CBR4: variants seen among roughly 807,000 people sequenced by gnomAD.
The protein encoded by CBR4 is 3-oxoacyl-[acyl-carrier-protein] reductase.
CBR4 carries 22 observed loss-of-function variants against 21.0 expected under a neutral mutation model. The observed-to-expected ratio is 1.05, with a 90% confidence interval of 0.75 to 1.50. The LOEUF (loss-of-function observed/expected upper bound fraction) is 1.50. Among genes scored for constraint, CBR4 ranks in the 40% most tolerant of loss-of-function variants. The pLI is 0.00. For synonymous variants in CBR4, 100 were observed against 104.4 expected, an observed-to-expected ratio of 0.96 and a Z score of 0.26; for missense variants, 302 against 286.3, an observed-to-expected ratio of 1.05 and a Z score of -0.40.
chr4:168,993,804 G>T (rs1366977932), intron 4 of CBR4, among the ~76,000 whole-genome samples: 1 of 152,076 alleles, frequency 6.6e-6, no homozygotes, highest in Non-Finnish European at 1.5e-5. Context: ...TTGCAAGAAA[G>T]ACCTTGTGAC....
intron 2 of CBR4, chr4:168,924,480 G>A: frequency 6.9e-7 from 1 of 1,442,994 alleles, no homozygotes. Context: ...TGTATCAAAA[G>A]ATACATTTTA....
At chr4:168,926,556 A>T in intron 2 of CBR4, 1 of 560,948 alleles carries the variant, frequency 1.8e-6, no homozygotes. Context: ...GTTTAAGTAG[A>T]TAATGCTAAT....
intron 2 of CBR4, among the ~76,000 whole-genome samples, chr4:168,914,299 C>A (rs1323038057): frequency 6.6e-6 from 1 of 152,180 alleles, no homozygotes; most frequent in East Asian, 1.9e-4. Flanking sequence ...CAAGACTCAG[C>A]ACTTTTAAAT....
intron 2 of CBR4, chr4:168,924,421 G>GTAAGAC: frequency 1.2e-6 from 2 of 1,612,476 alleles, no homozygotes; most frequent in Non-Finnish European, 1.7e-6. Flanking sequence ...ACCGAGTGAG[G>GTAAGAC]TAAGACTGCA....
chr4:168,909,632 T>C (rs1451900400), intron 2 of CBR4, among the ~76,000 whole-genome samples: 2 of 152,164 alleles, frequency 1.3e-5, no homozygotes, highest in African/African-American at 2.4e-5. Context: ...CTTATGTTCA[T>C]AGTAAAGCAG....
chr4:168,958,902 G>A (rs917062950), intron 2 of CBR4, among the ~76,000 whole-genome samples: 18 of 152,020 alleles, frequency 1.2e-4, no homozygotes, highest in East Asian at 1.2e-3. Context: ...CTTATTATTC[G>A]TTTTAGGAGT....
In CBR4 at chr4:168,987,664, T is replaced by C. The variant is rs1764734728; in HGVS notation, c.*2486A>G. On this transcript the variant is annotated 3_prime_UTR_variant, in exon 5 of 5. Transcript: ENST00000306193. ...GGACAGTGGTTATGATTTCTCAATT[T>C]ACACATATTCCTTTTGAAAATCTTA... is the stretch of plus-strand genomic sequence containing the variant. 1.0e-6 allele frequency: 1 copy of C among 974,176 alleles called. No homozygotes were observed. The allele number at this position is 974,176 out of a possible 1,614,324, so 60.3% of individuals were successfully genotyped here. A position where few individuals can be genotyped will look rare whatever the true frequency, so the allele number is the denominator to read the frequency against.
At chr4:168,958,439 G>C (rs1763750425) in intron 2 of CBR4, among the ~76,000 whole-genome samples, 1 of 152,162 alleles carries the variant, frequency 6.6e-6, no homozygotes, top group Non-Finnish European at 1.5e-5. Context: ...TGTATGGATA[G>C]ATTATATTTT....
intron 2 of CBR4, among the ~76,000 whole-genome samples, chr4:168,957,070 T>C (rs1763709366): frequency 6.6e-6 from 1 of 152,166 alleles, no homozygotes; most frequent in South Asian, 2.1e-4. Context: ...TTAAATAATA[T>C]GTGCGTCAGC....
At chr4:168,994,613 C>CT in intron 4 of CBR4, among the ~76,000 whole-genome samples, 1 of 152,244 alleles carries the variant, frequency 6.6e-6, no homozygotes, top group Non-Finnish European at 1.5e-5. Flanking sequence ...CAGTCTGGCT[C>CT]TGTCACCCAA....
At chr4:168,919,970 TGA>T (rs147523900) in intron 2 of CBR4, among the ~76,000 whole-genome samples, 4,323 of 152,276 alleles carry the variant, frequency 0.028, 82 homozygotes, top group Middle Eastern at 0.054. Context: ...TCACGTGGTT[TGA>T]GAGTACGCGT....
At chr4:168,920,591 C>T (rs1761274334) in intron 2 of CBR4, among the ~76,000 whole-genome samples, 1 of 152,162 alleles carries the variant, frequency 6.6e-6, no homozygotes, top group Non-Finnish European at 1.5e-5. Flanking sequence ...AGATGGCGAC[C>T]ATCCTGACCC....
chr4:168,897,361 G>C (rs1305821896), intron 2 of CBR4, among the ~76,000 whole-genome samples: 1 of 152,138 alleles, frequency 6.6e-6, no homozygotes, highest in East Asian at 1.9e-4. Context: ...TAAACACTGA[G>C]TAACTTCTTT....
Position 168,957,382 on chromosome 4 carries a change from G to C in CBR4, n.169+44689C>G, listed in dbSNP as rs148646677. Among the ~76,000 whole-genome samples, 967 of 151,562 alleles carry C rather than the reference G, an allele frequency of 6.4e-3. 16 individuals carry two copies. The highest frequency in any genetic ancestry group is 0.022 in the African/African-American group (919 of 41,324). The stretch of plus-strand genomic sequence containing the variant: ...CATTGTACCCCTTAGTGTAGGTAGG[G>C]GGAAATTTTGTTCTCCAATGCTGTG... On this transcript the variant is annotated intron_variant and non_coding_transcript_variant, in intron 2 of 3. Coordinates refer to the CBR4 transcript ENST00000509108.
rs59962690 is a variant in CBR4 at position 168,956,597 on chromosome 4, CAAAAAAAAAAA to C, written n.169+45463_169+45473del. Among the ~76,000 whole-genome samples, 206 of 29,716 alleles carry C rather than the reference CAAAAAAAAAAA, an allele frequency of 6.9e-3. 1 individual carries two copies. Among genetic ancestry groups the C allele is most frequent in the Admixed American group, 0.014 (26 of 1,840 alleles). 19.5% of individuals were successfully genotyped at this position (29,716 alleles called of 152,430 possible). On this transcript the variant is annotated intron_variant and non_coding_transcript_variant, in intron 2 of 3. Transcript: ENST00000509108. ...TGGGCGACACAGCCAGACCCTGTCT[CAAAAAAAAAAA>C]AAAAAAAAAAAAAAAAAAACAGAAT...
intron 2 of CBR4, among the ~76,000 whole-genome samples, chr4:168,918,263 A>G (rs1440818094): frequency 6.6e-6 from 1 of 151,772 alleles, no homozygotes; most frequent in African/African-American, 2.4e-5. Flanking sequence ...AGCACTATTC[A>G]TAATAGCCAG....
intron 4 of CBR4, among the ~76,000 whole-genome samples, chr4:169,000,908 A>G (rs1324854269): frequency 1.2e-4 from 18 of 152,204 alleles, no homozygotes; most frequent in Non-Finnish European, 2.6e-4. Flanking sequence ...TAGACAGACC[A>G]TAGTAGTAAA....
chr4:169,006,944 A>C, intron 2 of CBR4, 53 bp from the exon 3 acceptor site: 1 of 1,444,784 alleles, frequency 6.9e-7, no homozygotes, highest in Non-Finnish European at 9.7e-7. Flanking sequence ...AAAAACCAAA[A>C]AGGTCAAGAC....
chr4:168,922,467 ATCT>A (rs1413581844), intron 2 of CBR4, among the ~76,000 whole-genome samples: 4 of 152,148 alleles, frequency 2.6e-5, no homozygotes, highest in Non-Finnish European at 2.9e-5. Flanking sequence ...ATCAGAGCAA[ATCT>A]TCTCTGAATT....
Sources: allele counts gnomAD v4.1 joint callset (sites outside exome capture counted in the v4.1 genomes callset), GRCh38; gene constraint gnomAD v4.1.1; transcripts MANE v1.5; gene names NCBI Gene and HGNC (gene_info 2026-07-23, HGNC 2026-07-21).